The following RABEP1 variants were observed in gnomAD, a reference collection of about 807,000 sequenced individuals.
The protein encoded by RABEP1 is rabaptin, RAB GTPase binding effector protein 1.
RABEP1 carries 51 observed loss-of-function variants against 123.4 expected under a neutral mutation model. The ratio of observed to expected loss-of-function variants is 0.41; its 90% CI spans 0.33 to 0.52. RABEP1 has a LOEUF of 0.52. Among genes scored for constraint, RABEP1 ranks in the 20% least tolerant of loss-of-function variants. The probability of loss-of-function intolerance (pLI) is 0.16; values close to 1 mark genes in which losing one functional copy is unlikely to be tolerated. For missense variants in RABEP1, 888 were observed against 996.3 expected, an observed-to-expected ratio of 0.89 and a Z score of 1.46; for synonymous variants, 347 against 355.2, an observed-to-expected ratio of 0.98 and a Z score of 0.26.
rs1911792521 is a variant in RABEP1, at chr17:5,384,645, A to G, written c.*1422A>G. 4.7e-6 allele frequency: 1 copy of G among 213,840 alleles called. No individual in the cohort carries two copies. The highest frequency in any genetic ancestry group is 7.2e-5 in the East Asian group (1 of 13,970). The allele number at this position is 213,840 out of a possible 1,614,324, so 13.2% of individuals were successfully genotyped here. ...ACTTCTGTCTTCCATAGGACAAATG[A>G]TAAGTACTACATACCTCATCTCTTG... On this transcript the variant is annotated 3_prime_UTR_variant, in exon 18 of 18. Coordinates refer to ENST00000537505, the MANE Select transcript of RABEP1 (RefSeq NM_004703.6).
In RABEP1 at chr17:5,361,418, G is replaced by A. The variant is rs762632923; in HGVS notation, c.1306G>A (p.Glu436Lys). The A allele has an allele frequency of 3.1e-6, 5 of 1,614,038 alleles. No individual in the cohort carries two copies. In the African/African-American group the frequency reaches 5.3e-5, roughly 17 times the overall value. Reference sequence around the variant, plus strand: ...AGCAAAATCTGCTGGAAACCTGGACGAGTCAGATTTTGGACCACTGGTAGG... The same window carrying A: ...AGCAAAATCTGCTGGAAACCTGGACAAGTCAGATTTTGGACCACTGGTAGG... ...YKAKSAGNLD[E>K]SDFGPLVGAD... The change falls in exon 9 of 18, where the codon GAG becomes AAG. Residue 436 changes from glutamate (E) to lysine (K), a missense_variant. Glu to Lys is a moderately conservative substitution (Grantham distance 56). Coordinates refer to ENST00000537505, the MANE Select transcript of RABEP1 (RefSeq NM_004703.6).
At chr17:5,286,759 C>T (rs988724102) in intron 1 of RABEP1, among the ~76,000 whole-genome samples, 1 of 151,998 alleles carries the variant, frequency 6.6e-6, no homozygotes, top group Non-Finnish European at 1.5e-5. Flanking sequence ...AATAAATAAC[C>T]CTGCCCTAGT....
At chr17:5,323,517 T>G (rs185580408) in intron 2 of RABEP1, among the ~76,000 whole-genome samples, 14 of 151,024 alleles carry the variant, frequency 9.3e-5, no homozygotes, top group Middle Eastern at 3.4e-3. Context: ...ACAAAATCAG[T>G]ACACAAAAAT....
At position 5,377,229 on chromosome 17, in the gene RABEP1, C is replaced by G; in HGVS notation, c.2139C>G (p.Ile713Met). 2.5e-6 allele frequency: 4 copies of G among 1,610,042 alleles called. No individual in the cohort carries two copies. The highest frequency in any genetic ancestry group is 3.4e-6 in the Non-Finnish European group (4 of 1,179,160). Reference sequence around the variant, plus strand: ...AGATACTTTTCCTAAAAGAGCAGATCCAAGCAGAACAGTGTTTAAAAGAAA... The same window carrying G: ...AGATACTTTTCCTAAAAGAGCAGATGCAAGCAGAACAGTGTTTAAAAGAAA... ...KAEILFLKEQIQAEQCLKENL... is the reference protein window; with the variant it reads ...KAEILFLKEQMQAEQCLKENL... Residue 713 changes from isoleucine (I) to methionine (M), a missense_variant, in exon 14 of 18, where the codon ATC becomes ATG. Coordinates refer to ENST00000537505, the MANE Select transcript of RABEP1 (RefSeq NM_004703.6).
chr17:5,371,656 C>A (rs1041781543), intron 12 of RABEP1: 7 of 152,190 alleles, frequency 4.6e-5, no homozygotes, highest in African/African-American at 1.7e-4. Flanking sequence ...CTGTCTTAGG[C>A]CTGTTTGTCC....
intron 1 of RABEP1, among the ~76,000 whole-genome samples, chr17:5,288,610 G>A (rs2075002073): frequency 1.3e-5 from 2 of 152,138 alleles, no homozygotes; most frequent in African/African-American, 2.4e-5. Flanking sequence ...CGTCAGGCTG[G>A]CCTCTAACTC....
At chr17:5,312,593 G>A (rs2075255146) in intron 2 of RABEP1, among the ~76,000 whole-genome samples, 2 of 152,096 alleles carry the variant, frequency 1.3e-5, no homozygotes, top group Admixed American at 1.3e-4. Context: ...ATTTTTTCAT[G>A]GCTTTCAGGA....
chr17:5,342,031 C>CT (rs1471096947), intron 5 of RABEP1, among the ~76,000 whole-genome samples: 1 of 152,212 alleles, frequency 6.6e-6, no homozygotes, highest in Non-Finnish European at 1.5e-5. Flanking sequence ...AGCAACGAGA[C>CT]TGATTCAATT....
rs964948902 is a variant in RABEP1, at chr17:5,383,464, G to C, written c.*241G>C. On this transcript the variant is annotated 3_prime_UTR_variant, in exon 18 of 18. Coordinates refer to ENST00000537505, the MANE Select transcript of RABEP1 (RefSeq NM_004703.6). ...TAAACTCCAGGCTTGATTCCAACAG[G>C]CGTGGGATCAGATTTGGTGATGGAA... The C allele has an allele frequency of 6.7e-6, 3 of 445,988 alleles. No individual in the cohort carries two copies. Among genetic ancestry groups the C allele is most frequent in the Non-Finnish European group, 1.2e-5 (3 of 246,186 alleles). 27.6% of individuals were successfully genotyped at this position (445,988 alleles called of 1,614,324 possible). A position where few individuals can be genotyped will look rare whatever the true frequency, so the allele number is the denominator to read the frequency against.
intron 2 of RABEP1, among the ~76,000 whole-genome samples, chr17:5,314,503 TATAA>T (rs2075276620): frequency 6.7e-6 from 1 of 149,606 alleles, no homozygotes; most frequent in African/African-American, 2.5e-5. Flanking sequence ...CTGGGAATGT[TATAA>T]ATATTTCTGA....
At position 5,383,357 on chromosome 17, in the gene RABEP1, T is replaced by C; in HGVS notation, c.*134T>C. 1 of 739,820 alleles carries C rather than the reference T, an allele frequency of 1.4e-6. No individual in the cohort carries two copies. 45.8% of individuals were successfully genotyped at this position (739,820 alleles called of 1,614,324 possible). A position where few individuals can be genotyped will look rare whatever the true frequency, so the allele number is the denominator to read the frequency against. On this transcript the variant is annotated 3_prime_UTR_variant, in exon 18 of 18. Transcript: ENST00000537505. ...GGAAGACTGGAGAAATGCTTACTTC[T>C]AGAGGGAGAAGACTGTGCGGCACAG... is the stretch of plus-strand genomic sequence containing the variant.
Position 5,383,980 on chromosome 17 carries a change from G to A in RABEP1, c.*757G>A, listed in dbSNP as rs80143816. On this transcript the variant is annotated 3_prime_UTR_variant, in exon 18 of 18. Coordinates refer to ENST00000537505, the MANE Select transcript of RABEP1 (RefSeq NM_004703.6). ...TAGATGATCTTCATGGGCCCACAGG[G>A]TACCAGGATAAAGCCGAACTGGTAC... is the stretch of plus-strand genomic sequence containing the variant. 1.4e-5 allele frequency: 3 copies of A among 216,628 alleles called. No individual in the cohort carries two copies. The highest frequency in any genetic ancestry group is 6.8e-5 in the African/African-American group (3 of 43,908). 13.4% of individuals were successfully genotyped at this position (216,628 alleles called of 1,614,324 possible).
intron 2 of RABEP1, among the ~76,000 whole-genome samples, chr17:5,320,416 C>A (rs1323665323): frequency 1.1e-4 from 6 of 56,558 alleles, no homozygotes; most frequent in South Asian, 4.5e-4. Context: ...AAAATGCTAA[C>A]ACACCAAAAA....
In RABEP1 at chr17:5,384,767, T is replaced by G. The variant is rs76525133; in HGVS notation, c.*1544T>G. The G allele has an allele frequency of 6.8e-5, 5 of 73,736 alleles. No homozygotes were observed. Among genetic ancestry groups the G allele is most frequent in the Non-Finnish European group, 1.2e-4 (5 of 40,648 alleles). The allele number at this position is 73,736 out of a possible 1,614,324, so 4.6% of individuals were successfully genotyped here. ...AGGCTTGCCGCACATGAAACATTAT[T>G]TTAATTGGTTTAAAGTCCCTTTATA... On this transcript the variant is annotated 3_prime_UTR_variant, in exon 18 of 18. Transcript: ENST00000537505.
intron 8 of RABEP1, chr17:5,356,364 A>T (rs761102408): frequency 6.5e-6 from 1 of 153,746 alleles, no homozygotes; most frequent in Admixed American, 6.5e-5. Flanking sequence ...ACACACACAA[A>T]AGTTAATCTG....
At chr17:5,302,909 T>G (rs925940885) in intron 1 of RABEP1, among the ~76,000 whole-genome samples, 1 of 152,304 alleles carries the variant, frequency 6.6e-6, no homozygotes, top group South Asian at 2.1e-4. Context: ...ATGATTTTTT[T>G]TGTGTTGAAA....
intron 17 of RABEP1, among the ~76,000 whole-genome samples, chr17:5,382,762 A>G (rs1911586376): frequency 6.6e-6 from 1 of 152,002 alleles, no homozygotes; most frequent in Non-Finnish European, 1.5e-5. Flanking sequence ...GAGGAAAAGA[A>G]AAAGCAAGCA....
chr17:5,376,548 T>A (rs1385732772), intron 13 of RABEP1, among the ~76,000 whole-genome samples: 2 of 152,148 alleles, frequency 1.3e-5, no homozygotes, highest in Non-Finnish European at 2.9e-5. Context: ...GGAAGAAAAA[T>A]AAATTCTATA....
intron 11 of RABEP1, among the ~76,000 whole-genome samples, chr17:5,367,271 C>CACACACAT (rs1243142963): frequency 1.5e-4 from 22 of 151,186 alleles, no homozygotes; most frequent in Non-Finnish European, 4.4e-5. Context: ...CACACACACA[C>CACACACAT]AGTGTAGATA....
Sources: allele counts gnomAD v4.1 joint callset (sites outside exome capture counted in the v4.1 genomes callset), GRCh38; gene constraint gnomAD v4.1.1; transcripts MANE v1.5; gene names NCBI Gene and HGNC (gene_info 2026-07-23, HGNC 2026-07-21).